Variants in ASPH observed in about 807,000 individuals in gnomAD.
ASPH encodes aspartyl/asparaginyl beta-hydroxylase.
A neutral mutation model predicts 118.4 loss-of-function variants in ASPH; 100 were observed. That is an observed-to-expected ratio of 0.84 (90% CI 0.72 to 1.00). The LOEUF is 1.00. ASPH is among the 50% of genes least tolerant of loss of function. ASPH has a pLI of 0.00. For missense variants in ASPH, 920 were observed against 919.5 expected, an observed-to-expected ratio of 1.00 and a Z score of -0.01; for synonymous variants, 315 against 325.6, an observed-to-expected ratio of 0.97 and a Z score of 0.35.
chr8:61,523,136 T>C (rs1181887656), intron 22 of ASPH, among the ~76,000 whole-genome samples: 3 of 151,978 alleles, frequency 2.0e-5, no homozygotes, highest in Non-Finnish European at 2.9e-5. Context: ...TGAATCTGAG[T>C]TCTCAATGTG....
In ASPH at chr8:61,526,085, G is replaced by A. The variant is rs1306079293; in HGVS notation, c.1792C>T (p.Arg598Ter). The A allele has an allele frequency of 1.9e-6, 3 of 1,613,966 alleles. No individual in the cohort carries two copies. Among genetic ancestry groups the A allele is most frequent in the East Asian group, 2.2e-5 (1 of 44,876 alleles). The change falls in exon 22 of 25, where the codon CGA becomes TGA. Residue 598 changes from arginine (R) to a stop codon, truncating the protein, a stop_gained. Coordinates refer to ENST00000379454, the MANE Select transcript of ASPH (RefSeq NM_004318.4). LOFTEE classifies it high-confidence loss of function. ...KSLERNWKLI[R>*]DEGLAVMDKA... is the part of the protein sequence containing the mutation. ...TCCATCACTGCAAGGCCTTCATCTC[G>A]GATTAACTTCCAGTTTCTTTCTAAA...
intron 13 of ASPH, chr8:61,632,618 C>T: frequency 2.1e-6 from 1 of 477,082 alleles, no homozygotes; most frequent in Non-Finnish European, 4.1e-6. Context: ...CTGCTTTTCT[C>T]ATTCATATTA....
chr8:61,664,207 T>G, intron 3 of ASPH: 1 of 969,024 alleles, frequency 1.0e-6, no homozygotes, highest in Non-Finnish European at 1.2e-6. Flanking sequence ...ATATTAAATG[T>G]TTTCTAAGGT....
intron 16 of ASPH, among the ~76,000 whole-genome samples, chr8:61,571,019 A>G (rs1833334134): frequency 6.6e-6 from 1 of 152,226 alleles, no homozygotes; most frequent in Admixed American, 6.5e-5. Context: ...ATGTTGCAAA[A>G]TTTTAAAAAT....
intron 1 of ASPH, among the ~76,000 whole-genome samples, chr8:61,704,011 C>T (rs1033314029): frequency 6.6e-5 from 10 of 151,462 alleles, no homozygotes; most frequent in Admixed American, 1.3e-4. Flanking sequence ...CCGGCTAAAA[C>T]GGTGAAACCC....
chr8:61,664,513 G>T, intron 3 of ASPH: 18 of 985,154 alleles, frequency 1.8e-5, no homozygotes, highest in Non-Finnish European at 2.0e-5. Context: ...GTGGCACATG[G>T]TAAGCACTAA....
chr8:61,561,413 C>G (rs537748683), intron 18 of ASPH, among the ~76,000 whole-genome samples: 2 of 152,186 alleles, frequency 1.3e-5, no homozygotes, highest in East Asian at 3.9e-4. Flanking sequence ...TTCAATCCAC[C>G]CTGTGTAGCT....
At chr8:61,673,855 T>A (rs1424267765) in intron 3 of ASPH, among the ~76,000 whole-genome samples, 5 of 152,144 alleles carry the variant, frequency 3.3e-5, no homozygotes, top group African/African-American at 1.2e-4. Flanking sequence ...AGGCACAAGT[T>A]GACGGAAGTC....
chr8:61,507,739 G>A (rs966293939), intron 24 of ASPH, among the ~76,000 whole-genome samples: 1 of 152,166 alleles, frequency 6.6e-6, no homozygotes, highest in African/African-American at 2.4e-5. Flanking sequence ...ACTCTCATTA[G>A]AATGCAAAGA....
At chr8:61,516,828 A>C (rs6980640) in intron 24 of ASPH, among the ~76,000 whole-genome samples, 148,731 of 152,212 alleles carry the variant, frequency 0.98, 72,671 homozygotes, top group East Asian at 1. Context: ...ATGAATAAAC[A>C]TGTCAGGATT....
chr8:61,546,707 G>A (rs1229664144), intron 21 of ASPH, among the ~76,000 whole-genome samples: 1 of 152,172 alleles, frequency 6.6e-6, no homozygotes, highest in African/African-American at 2.4e-5. Flanking sequence ...ACACAGTCAA[G>A]TAAGACATAA....
intron 14 of ASPH, chr8:61,606,898 C>T: frequency 5.5e-6 from 1 of 180,310 alleles, no homozygotes; most frequent in Non-Finnish European, 1.2e-5. Flanking sequence ...ATCAACTTAT[C>T]ATCCTTGTCA....
At chr8:61,566,372 T>C (rs1334626411) in intron 17 of ASPH, among the ~76,000 whole-genome samples, 1 of 152,196 alleles carries the variant, frequency 6.6e-6, no homozygotes, top group African/African-American at 2.4e-5. Context: ...CAAACTTTAA[T>C]AGATGAGTAG....
At chr8:61,511,028 A>C (rs1223036503) in intron 24 of ASPH, among the ~76,000 whole-genome samples, 2 of 152,216 alleles carry the variant, frequency 1.3e-5, no homozygotes, top group East Asian at 3.8e-4. Context: ...GACAGTCTTA[A>C]AATTATCTCC....
Position 61,665,502 on chromosome 8 carries a change from G to A in ASPH, c.323-11842C>T, listed in dbSNP as rs746060282. On this transcript the variant is annotated intron_variant, in intron 3 of 24. Transcript: ENST00000379454. ...GCATCAGCAATTTTCTTATCCTTTC[G>A]GACATCCTCTTTCTTCCCCTTTTTT... 4.6e-5 allele frequency: 72 copies of A among 1,564,788 alleles called. No individual in the cohort carries two copies. Among genetic ancestry groups the A allele is most frequent in the African/African-American group, 2.6e-4 (19 of 73,322 alleles).
intron 15 of ASPH, chr8:61,583,565 C>A: frequency 6.3e-6 from 1 of 157,996 alleles, no homozygotes; most frequent in Non-Finnish European, 1.4e-5. Context: ...AAAAAATTCT[C>A]ATTTGATCTT....
intron 21 of ASPH, among the ~76,000 whole-genome samples, chr8:61,542,859 G>A (rs1045185657): frequency 1.3e-4 from 19 of 151,998 alleles, no homozygotes; most frequent in Admixed American, 1.2e-3. Context: ...TAGAATTCTT[G>A]GTTGGCAGTC....
intron 1 of ASPH, among the ~76,000 whole-genome samples, chr8:61,700,426 C>G (rs1230946204): frequency 1.3e-5 from 2 of 152,184 alleles, no homozygotes; most frequent in East Asian, 3.8e-4. Context: ...AAAAGAGTGA[C>G]TGAGATGTTA....
chr8:61,585,391 G>A (rs1336560618), intron 14 of ASPH, among the ~76,000 whole-genome samples: 2 of 152,168 alleles, frequency 1.3e-5, no homozygotes, highest in Non-Finnish European at 2.9e-5. Context: ...GGGAGGGATA[G>A]AGACGAATTA....
Sources: allele counts gnomAD v4.1 joint callset (sites outside exome capture counted in the v4.1 genomes callset), GRCh38; gene constraint gnomAD v4.1.1; transcripts MANE v1.5; gene names NCBI Gene and HGNC (gene_info 2026-07-23, HGNC 2026-07-21).